NOL8: variants seen among roughly 807,000 people sequenced by gnomAD.
NOL8 encodes the protein nucleolar protein 8, also known as nucleolar protein Nop132.
A neutral mutation model predicts 116.1 loss-of-function variants in NOL8; 93 were observed. That is an observed-to-expected ratio of 0.80 (90% CI 0.68 to 0.95). The LOEUF (loss-of-function observed/expected upper bound fraction) is 0.95. Among genes scored for constraint, NOL8 ranks in the 40% least tolerant of loss-of-function variants. The pLI is 0.00. For synonymous variants in NOL8, 419 were observed against 469.0 expected, an observed-to-expected ratio of 0.89 and a Z score of 1.38; for missense variants, 1,291 against 1,382.8, an observed-to-expected ratio of 0.93 and a Z score of 1.05.
Position 92,324,012 on chromosome 9 carries a change from C to T in NOL8, c.139+11G>A. On this transcript the variant is annotated intron_variant, in intron 2 of 16. Coordinates refer to ENST00000442668, the MANE Select transcript of NOL8 (RefSeq NM_017948.6). The stretch of plus-strand genomic sequence containing the variant: ...CTGCCTATAACTGCCCAGTGAAGGA[C>T]CATAAATTACCTTGGTCATCTTTCC... The T allele has an allele frequency of 6.2e-7, 1 of 1,613,554 alleles. No individual in the cohort carries two copies. The highest frequency in any genetic ancestry group is 1.1e-5 in the South Asian group (1 of 91,034).
chr9:92,321,189 T>C (rs924014816), intron 4 of NOL8, among the ~76,000 whole-genome samples: 3 of 152,226 alleles, frequency 2.0e-5, no homozygotes, highest in African/African-American at 7.2e-5. Context: ...AGCAACTCCA[T>C]TTTCTGATAT....
At chr9:92,300,092 T>C in intron 13 of NOL8, 76 bp from the exon 14 acceptor site, 2 of 1,531,566 alleles carry the variant, frequency 1.3e-6, no homozygotes, top group Admixed American at 1.9e-5. Context: ...TTCATTTGAT[T>C]ACTTTTACCA....
intron 10 of NOL8, chr9:92,308,923 T>A (rs1217635478): frequency 6.6e-6 from 1 of 152,242 alleles, no homozygotes; most frequent in African/African-American, 2.4e-5. Context: ...TGAAGGTTAG[T>A]CTCCAGGTTC....
Position 92,310,564 on chromosome 9 carries a change from C to T in NOL8, c.2584G>A (p.Ala862Thr). The change falls in exon 9 of 17, where the codon GCT becomes ACT. Residue 862 changes from alanine (A) to threonine (T), a missense_variant. Coordinates refer to ENST00000442668, the MANE Select transcript of NOL8 (RefSeq NM_017948.6). Reference sequence around the variant, plus strand: ...CAGTCTTCACTAACCTTCTGTCCAGCTCTGCCCTCAAACTGAGGTTTAATT... The same window carrying T: ...CAGTCTTCACTAACCTTCTGTCCAGTTCTGCCCTCAAACTGAGGTTTAATT... ...FKIKPQFEGR[A>T]GQKLMDLQSH... is the part of the protein sequence containing the mutation. 6.2e-7 allele frequency: 1 copy of T among 1,607,974 alleles called. No individual in the cohort carries two copies. The highest frequency in any genetic ancestry group is 8.5e-7 in the Non-Finnish European group (1 of 1,177,872).
At chr9:92,306,498 ATGGTGTACAGGGCTTTCATTACC>A (rs1253066275) in intron 11 of NOL8, among the ~76,000 whole-genome samples, 1 of 152,170 alleles carries the variant, frequency 6.6e-6, no homozygotes, top group Non-Finnish European at 1.5e-5. Context: ...AAGCTAGGTG[ATGGTGTACAGGGCTTTCATTACC>A]TGGTGTACAG....
Position 92,315,462 on chromosome 9 carries a change from T to C in NOL8, c.1163A>G (p.Lys388Arg). The change falls in exon 7 of 17, where the codon AAA (lysine) becomes AGA (arginine). Residue 388 changes from lysine to arginine, a missense_variant. By Grantham distance (26) the Lys-to-Arg change is conservative. Coordinates refer to ENST00000442668, the MANE Select transcript of NOL8 (RefSeq NM_017948.6). ...SGDTDEIIAM[K>R]KNVAKVKNST... ...GTTTTTGACCTTAGCAACATTTTTT[T>C]TCATCGCAATAATTTCATCTGTATC... 1 of 1,600,154 alleles carries C rather than the reference T, an allele frequency of 6.2e-7. No individual in the cohort carries two copies. Among genetic ancestry groups the C allele is most frequent in the Non-Finnish European group, 8.5e-7 (1 of 1,172,534 alleles).
At chr9:92,305,987 A>G (rs1838219068) in intron 11 of NOL8, among the ~76,000 whole-genome samples, 157 bp from the exon 12 acceptor site, 1 of 152,172 alleles carries the variant, frequency 6.6e-6, no homozygotes, top group African/African-American at 2.4e-5. Flanking sequence ...CTTACTAGAA[A>G]TAACATATAC....
intron 12 of NOL8, 38 bp from the exon 13 acceptor site, chr9:92,301,860 ACAAG>A: frequency 6.7e-7 from 1 of 1,503,746 alleles, no homozygotes; most frequent in Non-Finnish European, 8.8e-7. Context: ...TCACAAAGAA[ACAAG>A]TTTTGGGAAA....
chr9:92,320,345 G>A (rs1465520702), intron 4 of NOL8: 1 of 366,272 alleles, frequency 2.7e-6, no homozygotes, highest in African/African-American at 2.1e-5. Flanking sequence ...CTCAGCATGG[G>A]GCTCTAGTGC....
intron 10 of NOL8, among the ~76,000 whole-genome samples, chr9:92,309,467 G>A (rs1378957570): frequency 6.6e-6 from 1 of 151,894 alleles, no homozygotes; most frequent in East Asian, 1.9e-4. Flanking sequence ...GAATGGTGAG[G>A]ATTAAAATGC....
Position 92,324,133 on chromosome 9 carries a change from A to AG in NOL8, c.28dup (p.Leu10ProfsTer7), listed in dbSNP as rs866751744. 6.2e-7 allele frequency: 1 copy of AG among 1,613,816 alleles called. No homozygotes were observed. Among genetic ancestry groups the AG allele is most frequent in the African/African-American group, 1.3e-5 (1 of 74,926 alleles). ...GTCCTGGCTAAGGCCACCCACATAA[A>AG]GGCGCTTCGTTTCTCTGTTCACTTT... On this transcript the variant is annotated frameshift_variant, in exon 2 of 17. Transcript: ENST00000442668. LOFTEE classifies it high-confidence loss of function.
intron 4 of NOL8, 81 bp downstream of exon 4, chr9:92,321,587 A>G: frequency 1.3e-6 from 1 of 771,546 alleles, no homozygotes; most frequent in Non-Finnish European, 2.1e-6. Context: ...ATACTATATT[A>G]CTTGATAATT....
intron 4 of NOL8, among the ~76,000 whole-genome samples, chr9:92,319,644 A>G (rs1839750763): frequency 6.6e-6 from 1 of 152,210 alleles, no homozygotes; most frequent in African/African-American, 2.4e-5. Flanking sequence ...TTTGTTCTGT[A>G]TGTAAATATA....
At chr9:92,305,909 C>A in intron 11 of NOL8, 79 bp from the exon 12 acceptor site, 1 of 903,092 alleles carries the variant, frequency 1.1e-6, no homozygotes, top group Non-Finnish European at 1.8e-6. Context: ...AATTATAATT[C>A]AGCACTAGGA....
Position 92,315,475 on chromosome 9 carries a change from T to C in NOL8, c.1150A>G (p.Ile384Val), listed in dbSNP as rs759836695. Residue 384 changes from isoleucine to valine, a missense_variant, in exon 7 of 17, where the codon ATT becomes GTT. Coordinates refer to ENST00000442668, the MANE Select transcript of NOL8 (RefSeq NM_017948.6). ...REYDSGDTDE[I>V]IAMKKNVAKV... ...GCAACATTTTTTTTCATCGCAATAATTTCATCTGTATCTCCTGAGTCATAC... is the reference window on the plus strand; with the variant it reads ...GCAACATTTTTTTTCATCGCAATAACTTCATCTGTATCTCCTGAGTCATAC... 18 of 1,604,994 alleles carry C rather than the reference T, an allele frequency of 1.1e-5. No individual in the cohort carries two copies. Among genetic ancestry groups the C allele is most frequent in the Non-Finnish European group, 1.5e-5 (18 of 1,175,374 alleles).
chr9:92,300,749 A>T, intron 13 of NOL8: 2 of 1,194,874 alleles, frequency 1.7e-6, no homozygotes, highest in Non-Finnish European at 2.1e-6. Flanking sequence ...CGGAGTTGGT[A>T]TTATCTGCTA....
chr9:92,310,741 ATCT>A lies in NOL8; in HGVS notation c.2473-69_2473-67del, dbSNP rs779484263. The A allele has an allele frequency of 2.7e-5, 41 of 1,500,012 alleles. 1 individual carries two copies. Among genetic ancestry groups the A allele is most frequent in the African/African-American group, 1.3e-4 (9 of 71,418 alleles). The allele number at this position is 1,500,012 out of a possible 1,614,324, so 92.9% of individuals were successfully genotyped here. A position where few individuals can be genotyped will look rare whatever the true frequency, so the allele number is the denominator to read the frequency against. On this transcript the variant is annotated intron_variant, in intron 8 of 16. Coordinates refer to ENST00000442668, the MANE Select transcript of NOL8 (RefSeq NM_017948.6). ...AAGCAGTATTTCCCTTCATAACGTA[ATCT>A]TCTCCCTCACATTGAAAGCCAGTAA... is the stretch of plus-strand genomic sequence containing the variant.
At chr9:92,314,200 C>G in intron 7 of NOL8, 67 bp downstream of exon 7, 1 of 1,495,358 alleles carries the variant, frequency 6.7e-7, no homozygotes, top group Non-Finnish European at 8.9e-7. Flanking sequence ...GCACACCTAA[C>G]TTCATGGGAA....
chr9:92,298,932 CT>C lies in NOL8; in HGVS notation c.3324del (p.Glu1109ArgfsTer25). ...SSPGEASLLEKETTRFFFFSK... is the reference protein window; with the variant it reads ...SSPGEASLLEXETTRFFFFSK... Reference sequence around the variant, plus strand: ...GAGAAAAAGAAAAATCTAGTGGTCTCTTTCTCAAGTAATGATGCTTCTCTGA... The same window carrying C: ...GAGAAAAAGAAAAATCTAGTGGTCTCTTCTCAAGTAATGATGCTTCTCTGA... On this transcript the variant is annotated frameshift_variant, in exon 15 of 17. Coordinates refer to ENST00000442668, the MANE Select transcript of NOL8 (RefSeq NM_017948.6). LOFTEE classifies it high-confidence loss of function. The C allele has an allele frequency of 6.5e-7, 1 of 1,527,784 alleles. No homozygotes were observed. The highest frequency in any genetic ancestry group is 8.8e-7 in the Non-Finnish European group (1 of 1,133,084). 94.6% of individuals were successfully genotyped at this position (1,527,784 alleles called of 1,614,324 possible).
Sources: gnomAD v4.1 joint callset for allele counts (sites outside exome capture counted in the v4.1 genomes callset) on GRCh38, gnomAD v4.1.1 for gene constraint, MANE v1.5 for transcripts, NCBI Gene and HGNC (gene_info 2026-07-23, HGNC 2026-07-21) for gene names.